BCL2L13: variants seen among roughly 807,000 people sequenced by gnomAD.
BCL2L13 encodes the protein bcl-2-like protein 13.
A neutral mutation model predicts 25.8 loss-of-function variants in BCL2L13; 13 were observed. That is an observed-to-expected ratio of 0.50 (90% CI 0.33 to 0.80). The LOEUF is 0.80. Among genes scored for constraint, BCL2L13 ranks in the 30% least tolerant of loss-of-function variants. The probability of loss-of-function intolerance (pLI) is 0.02; values close to 1 mark genes in which losing one functional copy is unlikely to be tolerated. For synonymous variants in BCL2L13, 244 were observed against 230.3 expected (o/e 1.06, Z -0.54); for missense variants, 504 against 574.9 (o/e 0.88, Z 1.26).
chr22:17,706,358 T>TAA (rs1207425025), intron 6 of BCL2L13, among the ~76,000 whole-genome samples: 1 of 151,972 alleles, frequency 6.6e-6, no homozygotes, highest in African/African-American at 2.4e-5. Flanking sequence ...TCTGCCTTTT[T>TAA]ACCCGGCGAA....
chr22:17,669,645 A>G (rs373586350), intron 2 of BCL2L13, among the ~76,000 whole-genome samples: 54 of 152,260 alleles, frequency 3.5e-4, no homozygotes, highest in African/African-American at 1.3e-3. Context: ...ATCAACTCTC[A>G]ACATGAGATT....
chr22:17,667,697 C>A (rs1055339402), intron 2 of BCL2L13, among the ~76,000 whole-genome samples: 1 of 148,400 alleles, frequency 6.7e-6, no homozygotes, highest in Non-Finnish European at 1.5e-5. Flanking sequence ...TTAGTAGAGA[C>A]GGAGTTTTAC....
rs1032214617 is a variant in BCL2L13 at position 17,640,825 on chromosome 22, G to T, written c.-51+1939G>T. Among the ~76,000 whole-genome samples, 3 of 151,688 alleles carry T rather than the reference G, an allele frequency of 2.0e-5. 1 individual carries two copies. Among genetic ancestry groups the T allele is most frequent in the South Asian group, 4.2e-4 (2 of 4,816 alleles). ...GCTGTGATTGCTCCACTGTACTTCA[G>T]TCTGGATGACAGAGACCCTGACTCA... On this transcript the variant is annotated intron_variant, in intron 1 of 6. Coordinates refer to ENST00000317582, the MANE Select transcript of BCL2L13 (RefSeq NM_015367.4).
chr22:17,670,111 A>G (rs979820462), intron 2 of BCL2L13, among the ~76,000 whole-genome samples: 8 of 152,028 alleles, frequency 5.3e-5, no homozygotes, highest in Middle Eastern at 3.2e-3. Flanking sequence ...TCTCAATTCA[A>G]TTCCATTGGT....
chr22:17,639,939 C>A (rs1303617412), intron 1 of BCL2L13, among the ~76,000 whole-genome samples: 1 of 151,912 alleles, frequency 6.6e-6, no homozygotes, highest in Non-Finnish European at 1.5e-5. Context: ...ACCGCAACCT[C>A]CGCCTCCTGG....
chr22:17,725,306 C>G (rs939096448), intron 6 of BCL2L13, among the ~76,000 whole-genome samples: 7 of 152,114 alleles, frequency 4.6e-5, no homozygotes. Flanking sequence ...CCTCACTGAC[C>G]TTCTATTCTT....
chr22:17,638,987 A>C (rs2058167259), intron 1 of BCL2L13, 101 bp downstream of exon 1: 2 of 980,150 alleles, frequency 2.0e-6, no homozygotes, highest in Non-Finnish European at 2.6e-6. Flanking sequence ...CCGACTCCCC[A>C]GTGGTTCCGA....
At chr22:17,692,990 A>C (rs2060147181) in intron 4 of BCL2L13, among the ~76,000 whole-genome samples, 1 of 152,058 alleles carries the variant, frequency 6.6e-6, no homozygotes, top group African/African-American at 2.4e-5. Flanking sequence ...CACGTTTCTA[A>C]TGCTCATTAG....
chr22:17,699,078 A>G (rs562100946), intron 5 of BCL2L13, among the ~76,000 whole-genome samples: 8 of 152,260 alleles, frequency 5.3e-5, no homozygotes, highest in African/African-American at 1.9e-4. Context: ...TTCAGGTTCA[A>G]TCTTTTTGGC....
chr22:17,723,666 G>T (rs947881806), intron 6 of BCL2L13, among the ~76,000 whole-genome samples: 3 of 152,160 alleles, frequency 2.0e-5, no homozygotes, highest in Non-Finnish European at 4.4e-5. Flanking sequence ...CGGGCGCGGT[G>T]TCTCACGCCT....
intron 1 of BCL2L13, among the ~76,000 whole-genome samples, chr22:17,633,273 T>C (rs2058058476): frequency 6.6e-6 from 1 of 152,190 alleles, no homozygotes; most frequent in Non-Finnish European, 1.5e-5. Context: ...CTCAATTTTC[T>C]TCAGTTTTGC....
At chr22:17,719,726 G>T (rs975289837) in intron 6 of BCL2L13, among the ~76,000 whole-genome samples, 2 of 151,818 alleles carry the variant, frequency 1.3e-5, no homozygotes, top group Admixed American at 1.3e-4. Flanking sequence ...CTACTCAGGA[G>T]GCTGAGGCAG....
chr22:17,680,541 AG>A (rs143942611), intron 2 of BCL2L13, among the ~76,000 whole-genome samples: 2,547 of 26,716 alleles, frequency 0.095, 736 homozygotes, highest in African/African-American at 0.15. Flanking sequence ...AAAAAAAAAA[AG>A]AAAAAAAGAC....
At chr22:17,678,603 C>T (rs568974930) in intron 2 of BCL2L13, among the ~76,000 whole-genome samples, 35 of 152,170 alleles carry the variant, frequency 2.3e-4, no homozygotes, top group African/African-American at 7.5e-4. Context: ...TTATTTCATC[C>T]CTCATAAGGT....
chr22:17,691,720 T>A (rs1246101736), intron 4 of BCL2L13, among the ~76,000 whole-genome samples: 1 of 152,216 alleles, frequency 6.6e-6, no homozygotes, highest in Non-Finnish European at 1.5e-5. Context: ...TCACCCTTAA[T>A]ATTTCAGTTC....
intron 3 of BCL2L13, among the ~76,000 whole-genome samples, chr22:17,685,760 CTTTTTTTTT>C (rs1166792513): frequency 4.7e-3 from 284 of 60,574 alleles, no homozygotes; most frequent in African/African-American, 0.016. Flanking sequence ...TTTTCTTTTT[CTTTTTTTTT>C]TTTTTTTTTT....
intron 6 of BCL2L13, among the ~76,000 whole-genome samples, chr22:17,722,378 G>GCGTGC (rs1491171137): frequency 4.9e-5 from 6 of 122,066 alleles, no homozygotes; most frequent in African/African-American, 2.1e-4. Context: ...AGACTACAGG[G>GCGTGC]GTGTGTGTGT....
chr22:17,630,359 A>C (rs1397679368), intron 1 of BCL2L13, among the ~76,000 whole-genome samples: 1 of 151,362 alleles, frequency 6.6e-6, no homozygotes, highest in Non-Finnish European at 1.5e-5. Flanking sequence ...AGCTCACTAC[A>C]ACCTCTGCCT....
chr22:17,682,032 C>T (rs2059771900), intron 2 of BCL2L13, among the ~76,000 whole-genome samples: 2 of 152,150 alleles, frequency 1.3e-5, no homozygotes, highest in South Asian at 2.1e-4. Flanking sequence ...TTGATATTAG[C>T]CATTATTGTG....
Sources: gnomAD v4.1 joint callset for allele counts (sites outside exome capture counted in the v4.1 genomes callset) on GRCh38, gnomAD v4.1.1 for gene constraint, MANE v1.5 for transcripts, NCBI Gene and HGNC (gene_info 2026-07-23, HGNC 2026-07-21) for gene names.